Variants in ASPSCR1 observed in about 807,000 individuals in gnomAD.
The protein encoded by ASPSCR1 is tether containing UBX domain for GLUT4.
ASPSCR1 carries 55 observed loss-of-function variants against 68.9 expected under a neutral mutation model. That is an observed-to-expected ratio of 0.80 (90% CI 0.64 to 1.00). The LOEUF is 1.00. Ranked by LOEUF, ASPSCR1 falls within the 50% of genes least tolerant of loss-of-function variation. The pLI, the probability that ASPSCR1 is intolerant of heterozygous loss-of-function variation, is 0.00. For synonymous variants in ASPSCR1, 352 were observed against 332.6 expected, an observed-to-expected ratio of 1.06 and a Z score of -0.63; for missense variants, 765 against 762.2, an observed-to-expected ratio of 1.00 and a Z score of -0.04.
chr17:81,979,378 C>G, intron 2 of ASPSCR1, 139 bp downstream of exon 2: 1 of 918,124 alleles, frequency 1.1e-6, no homozygotes, highest in Non-Finnish European at 1.7e-6. Flanking sequence ...AGACCCAAGG[C>G]CTTGGCAGGG....
intron 2 of ASPSCR1, among the ~76,000 whole-genome samples, chr17:81,980,759 C>T (rs1261265477): frequency 6.6e-6 from 1 of 152,158 alleles, no homozygotes; most frequent in Non-Finnish European, 1.5e-5. Context: ...CATGAGTATT[C>T]ATGAAAGGAG....
chr17:81,997,418 A>G (rs117194405), intron 7 of ASPSCR1, among the ~76,000 whole-genome samples: 1 of 147,128 alleles, frequency 6.8e-6, no homozygotes, highest in East Asian at 2.0e-4. Context: ...ATCAAGCCCC[A>G]CCTCCTACCT....
chr17:82,017,158 G>T (rs1363109594), intron 15 of ASPSCR1, 45 bp downstream of exon 15: 1 of 1,565,692 alleles, frequency 6.4e-7, no homozygotes, highest in Admixed American at 1.7e-5. Context: ...CCGGGTGGAG[G>T]GCGGGGGTCC....
chr17:82,011,528 T>C lies in ASPSCR1; in HGVS notation c.1238-15T>C. ...GGTGGAAGAGCTGTCTGTATGTTCT[T>C]TTTCTCCTCTGCAGTGGGGGACTTG... On this transcript the variant is annotated splice_polypyrimidine_tract_variant and intron_variant, in intron 10 of 15. Coordinates refer to ENST00000306739, the MANE Select transcript of ASPSCR1 (RefSeq NM_024083.4). 1 of 1,575,160 alleles carries C rather than the reference T, an allele frequency of 6.3e-7. No individual in the cohort carries two copies. Among genetic ancestry groups the C allele is most frequent in the Non-Finnish European group, 8.6e-7 (1 of 1,166,636 alleles).
In ASPSCR1 at chr17:81,983,477, A is replaced by ATGGGGATGG. The variant is rs2041862394; in HGVS notation, c.159-77_159-76insTGGGGATGG. 3 of 1,053,550 alleles carry ATGGGGATGG rather than the reference A, an allele frequency of 2.8e-6. No homozygotes were observed. The highest frequency in any genetic ancestry group is 5.6e-5 in the African/African-American group (2 of 35,926). 65.3% of individuals were successfully genotyped at this position (1,053,550 alleles called of 1,614,324 possible). On this transcript the variant is annotated intron_variant, in intron 2 of 15. Coordinates refer to ENST00000306739, the MANE Select transcript of ASPSCR1 (RefSeq NM_024083.4). This position sits in a 1 kb window ranked among gnomAD's most constrained non-coding sequence, Gnocchi z 4.4. The stretch of plus-strand genomic sequence containing the variant: ...TGGATGGCGGGGCGTGGATGGTGGG[A>ATGGGGATGG]CGGGGATGGCGGGGCGTGGATGGCA...
chr17:82,016,772 C>T (rs1362101779), intron 13 of ASPSCR1, 28 bp from the exon 14 acceptor site: 7 of 1,602,360 alleles, frequency 4.4e-6, no homozygotes, highest in Non-Finnish European at 5.9e-6. Context: ...TCCTCAGAGG[C>T]TCAGGGTGAG....
chr17:81,997,218 C>T (rs573319914), intron 7 of ASPSCR1, among the ~76,000 whole-genome samples: 2 of 133,768 alleles, frequency 1.5e-5, no homozygotes, highest in East Asian at 2.1e-4. Context: ...AGAGCAGGGC[C>T]GCCCTGGGGT....
At chr17:82,010,690 C>A in intron 9 of ASPSCR1, 112 bp from the exon 10 acceptor site, 1 of 1,175,598 alleles carries the variant, frequency 8.5e-7, no homozygotes, top group Non-Finnish European at 1.2e-6. Flanking sequence ...GCTGCTTCTG[C>A]CTGCCTCAGC....
intron 7 of ASPSCR1, among the ~76,000 whole-genome samples, chr17:82,002,901 G>T (rs575721840): frequency 1.3e-5 from 2 of 150,082 alleles, no homozygotes; most frequent in African/African-American, 4.9e-5. Context: ...TCGAGACAGG[G>T]TCTGTCTATG....
At chr17:81,993,460 A>G (rs900563591) in intron 4 of ASPSCR1, among the ~76,000 whole-genome samples, 1 of 152,136 alleles carries the variant, frequency 6.6e-6, no homozygotes, top group Non-Finnish European at 1.5e-5. Context: ...TGATCCGCCC[A>G]TCTCGGCCTC....
At chr17:82,007,984 C>T (rs565933280) in intron 7 of ASPSCR1, 12 of 152,264 alleles carry the variant, frequency 7.9e-5, no homozygotes, top group Non-Finnish European at 1.8e-4. Context: ...CCTGCCATGA[C>T]GCTGCTGAGG....
intron 7 of ASPSCR1, among the ~76,000 whole-genome samples, chr17:82,001,366 G>A (rs1056491827): frequency 1.3e-5 from 2 of 152,180 alleles, no homozygotes; most frequent in Non-Finnish European, 2.9e-5. Flanking sequence ...AGCACAGTCA[G>A]TGGCCAGGGT....
intron 11 of ASPSCR1, 131 bp from the exon 12 acceptor site, chr17:82,012,100 G>A: frequency 9.1e-7 from 1 of 1,095,978 alleles, no homozygotes. Context: ...TGTGGGCACA[G>A]GGCGTGCTCG....
At chr17:81,998,798 G>C (rs376642308) in intron 7 of ASPSCR1, among the ~76,000 whole-genome samples, 2 of 152,234 alleles carry the variant, frequency 1.3e-5, no homozygotes, top group African/African-American at 4.8e-5. Flanking sequence ...CTGGGTTCTG[G>C]AAGTTCTCCG....
intron 10 of ASPSCR1, 67 bp from the exon 11 acceptor site, chr17:82,011,476 G>C (rs887443330): frequency 6.8e-7 from 1 of 1,472,690 alleles, no homozygotes; most frequent in Admixed American, 2.3e-5. Flanking sequence ...CAGTGGCCCA[G>C]GTGCTGGGGC....
chr17:81,993,535 T>C (rs542232896), intron 4 of ASPSCR1, among the ~76,000 whole-genome samples: 4 of 152,238 alleles, frequency 2.6e-5, no homozygotes, highest in African/African-American at 9.6e-5. Flanking sequence ...TTCAAGTAGG[T>C]CAGCAGATCC....
chr17:81,984,897 C>CA (rs2041923195), intron 3 of ASPSCR1, among the ~76,000 whole-genome samples: 6 of 117,070 alleles, frequency 5.1e-5, no homozygotes, highest in African/African-American at 2.0e-4. Flanking sequence ...CCACACACAC[C>CA]CACACACACC....
chr17:81,994,599 G>C (rs75607123), intron 4 of ASPSCR1, among the ~76,000 whole-genome samples: 3 of 152,214 alleles, frequency 2.0e-5, no homozygotes, highest in Admixed American at 6.5e-5. Context: ...CACAGGCCAG[G>C]GTCCTTGGGA....
intron 3 of ASPSCR1, among the ~76,000 whole-genome samples, chr17:81,985,284 ACACT>A (rs2144009284): frequency 6.6e-6 from 1 of 152,206 alleles, no homozygotes; most frequent in African/African-American, 2.4e-5. Flanking sequence ...ACATACCTGC[ACACT>A]CACATGCACA....
Sources: allele counts gnomAD v4.1 joint callset (sites outside exome capture counted in the v4.1 genomes callset), GRCh38; gene constraint gnomAD v4.1.1; non-coding constraint Gnocchi (gnomAD v3.1); transcripts MANE v1.5; gene names NCBI Gene and HGNC (gene_info 2026-07-23, HGNC 2026-07-21).